Variants in FKBP2 observed in about 807,000 individuals in gnomAD.
FKBP2 encodes FKBP prolyl isomerase 2.
A neutral mutation model predicts 19.4 loss-of-function variants in FKBP2; 15 were observed. The ratio of observed to expected loss-of-function variants is 0.77; its 90% CI spans 0.52 to 1.19. The LOEUF is 1.19. FKBP2 is among the 50% of genes most tolerant of loss of function. The pLI, the probability that FKBP2 is intolerant of heterozygous loss-of-function variation, is 0.00. For missense variants in FKBP2, 170 were observed against 179.0 expected (o/e 0.95, Z 0.29); for synonymous variants, 76 against 74.8 (o/e 1.02, Z -0.08).
intron 2 of FKBP2, 29 bp downstream of exon 2, chr11:64,242,587 G>T: frequency 6.6e-7 from 1 of 1,524,956 alleles, no homozygotes; most frequent in Non-Finnish European, 8.8e-7. Flanking sequence ...CCTTTTGGGA[G>T]TGGGTGGGGC....
At position 64,242,427 on chromosome 11, in the gene FKBP2, A is replaced by C; in HGVS notation, c.40A>C (p.Ile14Leu). 6.4e-7 allele frequency: 1 copy of C among 1,555,620 alleles called. No homozygotes were observed. Among genetic ancestry groups the C allele is most frequent in the Non-Finnish European group, 8.7e-7 (1 of 1,155,272 alleles). Reference sequence around the variant, plus strand: ...GTTCCGGGTCCTGACAGTACTGTCCATCTGCCTGAGCGCCGTGGCCACGGC... The same window carrying C: ...GTTCCGGGTCCTGACAGTACTGTCCCTCTGCCTGAGCGCCGTGGCCACGGC... ...SWFRVLTVLS[I>L]CLSAVATATG... The change falls in exon 2 of 6, where the codon ATC becomes CTC. Residue 14 changes from isoleucine (I) to leucine (L), a missense_variant. Ile to Leu is a conservative substitution (Grantham distance 5). Coordinates refer to ENST00000309366, the MANE Select transcript of FKBP2 (RefSeq NM_004470.4).
rs896249907 is a variant in FKBP2 at position 64,244,016 on chromosome 11, G to A, written c.416G>A (p.Arg139Gln). The change falls in exon 6 of 6, where the codon CGA becomes CAA. Residue 139 changes from arginine to glutamine, a missense_variant. Coordinates refer to ENST00000309366, the MANE Select transcript of FKBP2 (RefSeq NM_004470.4). ...FEVELLKIER[R>Q]TEL The stretch of plus-strand genomic sequence containing the variant: ...GTGGAGCTGCTCAAAATAGAGCGAC[G>A]AACTGAGCTGTAACCAGACTGGGGA... 45 of 1,613,592 alleles carry A rather than the reference G, an allele frequency of 2.8e-5. No homozygotes were observed. Among genetic ancestry groups the A allele is most frequent in the Non-Finnish European group, 3.5e-5 (41 of 1,179,962 alleles).
Position 64,243,442 on chromosome 11 carries a change from T to C in FKBP2, c.285-9T>C. 1 of 1,614,024 alleles carries C rather than the reference T, an allele frequency of 6.2e-7. No individual in the cohort carries two copies. The highest frequency in any genetic ancestry group is 8.5e-7 in the Non-Finnish European group (1 of 1,179,986). On this transcript the variant is annotated splice_polypyrimidine_tract_variant and intron_variant, in intron 3 of 5. Transcript: ENST00000309366. ...TGCTGCCATGGGCTGAGCATGTGTC[T>C]TCCTGCAGGATGTGTGAGGGGGAAA...
chr11:64,241,228 A>G (rs1312230936), intron 1 of FKBP2, 96 bp downstream of exon 1: 1 of 151,830 alleles, frequency 6.6e-6, no homozygotes, highest in Admixed American at 6.6e-5. Flanking sequence ...CCGAGTGTCA[A>G]CGAGAGCTAG....
At chr11:64,243,408 G>C (rs993045143) in intron 3 of FKBP2, 43 bp from the exon 4 acceptor site, 11 of 1,612,826 alleles carry the variant, frequency 6.8e-6, no homozygotes, top group East Asian at 2.2e-5. Flanking sequence ...ACAAGACAAG[G>C]GCCCTGGGTG....
At chr11:64,243,796 G>A (rs1188417439) in intron 4 of FKBP2, 45 bp from the exon 5 acceptor site, 5 of 1,612,310 alleles carry the variant, frequency 3.1e-6, no homozygotes, top group Admixed American at 3.3e-5. Context: ...CACACTGGAA[G>A]GGAGCTTGGC....
intron 1 of FKBP2, chr11:64,241,895 TC>T (rs2030522268): frequency 6.5e-6 from 1 of 152,956 alleles, no homozygotes; most frequent in Non-Finnish European, 1.5e-5. Flanking sequence ...CCCGGGCTCC[TC>T]GGAGCCACCC....
intron 4 of FKBP2, 131 bp downstream of exon 4, chr11:64,243,628 T>C: frequency 7.7e-7 from 1 of 1,305,202 alleles, no homozygotes; most frequent in African/African-American, 1.4e-5. Context: ...CAAGTTTGGC[T>C]GTGTCTAGCA....
At chr11:64,242,141 G>A (rs1591086192) in intron 1 of FKBP2, 1 of 448,036 alleles carries the variant, frequency 2.2e-6, no homozygotes, top group Non-Finnish European at 4.0e-6. Context: ...CGGGTCCCTG[G>A]CTGCTGTGGC....
At chr11:64,242,102 G>A (rs998981746) in intron 1 of FKBP2, 9 of 361,818 alleles carry the variant, frequency 2.5e-5, no homozygotes, top group Non-Finnish European at 4.0e-5. Flanking sequence ...GACTGGGAGG[G>A]AGGGAAGGTA....
chr11:64,243,066 T>TTTAA, intron 2 of FKBP2, 133 bp from the exon 3 acceptor site: 1 of 745,918 alleles, frequency 1.3e-6, no homozygotes, highest in Non-Finnish European at 2.3e-6. Context: ...AGACTCCATC[T>TTTAA]CAAAAAACAA....
chr11:64,242,562 A>C lies in FKBP2; in HGVS notation c.171+4A>C. On this transcript the variant is annotated splice_donor_region_variant and intron_variant, in intron 2 of 5. Coordinates refer to ENST00000309366, the MANE Select transcript of FKBP2 (RefSeq NM_004470.4). ...TGTCCTGCACATGCACTACACGGTG[A>C]GTGGGTTGGGCGGGCCTTTTGGGAG... The C allele has an allele frequency of 6.6e-7, 1 of 1,518,032 alleles. No homozygotes were observed. Among genetic ancestry groups the C allele is most frequent in the South Asian group, 1.2e-5 (1 of 81,104 alleles). The allele number at this position is 1,518,032 out of a possible 1,614,324, so 94.0% of individuals were successfully genotyped here.
rs376378612 is a variant in FKBP2, at chr11:64,244,015, C to T, written c.415C>T (p.Arg139Ter). 6.2e-6 allele frequency: 10 copies of T among 1,613,660 alleles called. No individual in the cohort carries two copies. Among genetic ancestry groups the T allele is most frequent in the Non-Finnish European group, 8.5e-6 (10 of 1,179,946 alleles). The change falls in exon 6 of 6, where the codon CGA (arginine) becomes TGA (stop). Residue 139 changes from arginine to a stop codon, truncating the protein, a stop_gained. Coordinates refer to ENST00000309366, the MANE Select transcript of FKBP2 (RefSeq NM_004470.4). LOFTEE classifies it high-confidence loss of function. Reference protein sequence around the residue: ...FEVELLKIERRTEL With the variant: ...FEVELLKIER ...GGTGGAGCTGCTCAAAATAGAGCGA[C>T]GAACTGAGCTGTAACCAGACTGGGG...
chr11:64,242,447 C>G lies in FKBP2; in HGVS notation c.60C>G (p.Ala20=), dbSNP rs368749142. Residue 20 remains alanine (A), a synonymous_variant, in exon 2 of 6, where the codon GCC becomes GCG. Coordinates refer to ENST00000309366, the MANE Select transcript of FKBP2 (RefSeq NM_004470.4). ...TVLSICLSAV[A]TATGAEGKRK... ...TGTCCATCTGCCTGAGCGCCGTGGC[C>G]ACGGCCACGGGGGCCGAGGGCAAAA... 2 of 1,550,352 alleles carry G rather than the reference C, an allele frequency of 1.3e-6. No individual in the cohort carries two copies. The highest frequency in any genetic ancestry group is 1.7e-6 in the Non-Finnish European group (2 of 1,154,182).
rs59830440 is a variant in FKBP2, at chr11:64,241,423, G to C, written c.-5+291G>C. On this transcript the variant is annotated intron_variant, in intron 1 of 5. Coordinates refer to ENST00000309366, the MANE Select transcript of FKBP2 (RefSeq NM_004470.4). ...GGCGGGGGGCGGAGCTAGGAGGGTCGGGGGACGGAGCCTGGCTCTTGAAGG... is the reference window on the plus strand; with the variant it reads ...GGCGGGGGGCGGAGCTAGGAGGGTCCGGGGACGGAGCCTGGCTCTTGAAGG... Among the ~76,000 whole-genome samples the C allele has an allele frequency of 5.0e-3, 761 of 152,118 alleles. 5 individuals are homozygous for C. Among genetic ancestry groups the C allele is most frequent in the East Asian group, 0.013 (66 of 5,156 alleles).
In FKBP2 at chr11:64,242,441, C is replaced by G; in HGVS notation, c.54C>G (p.Ala18=). The stretch of plus-strand genomic sequence containing the variant: ...CAGTACTGTCCATCTGCCTGAGCGC[C>G]GTGGCCACGGCCACGGGGGCCGAGG... ...VLTVLSICLS[A]VATATGAEGK... Residue 18 remains alanine, a synonymous_variant, in exon 2 of 6, where the codon GCC becomes GCG. Coordinates refer to ENST00000309366, the MANE Select transcript of FKBP2 (RefSeq NM_004470.4). The G allele has an allele frequency of 6.4e-7, 1 of 1,550,510 alleles. No individual in the cohort carries two copies. The highest frequency in any genetic ancestry group is 8.7e-7 in the Non-Finnish European group (1 of 1,153,728).
intron 2 of FKBP2, 133 bp downstream of exon 2, chr11:64,242,691 A>T (rs867957837): frequency 9.9e-7 from 1 of 1,009,142 alleles, no homozygotes; most frequent in Non-Finnish European, 1.4e-6. Context: ...GCCAGTTTCC[A>T]TGGTTCTGCC....
At chr11:64,242,165 CT>C in intron 1 of FKBP2, 1 of 481,004 alleles carries the variant, frequency 2.1e-6, no homozygotes, top group Non-Finnish European at 3.6e-6. Context: ...CCCTGACCCC[CT>C]CCCCCCGCTG....
intron 2 of FKBP2, 23 bp from the exon 3 acceptor site, chr11:64,243,176 C>A (rs780912720): frequency 3.7e-6 from 6 of 1,609,582 alleles, no homozygotes; most frequent in Non-Finnish European, 4.2e-6. Flanking sequence ...CTCTTCCTCA[C>A]TGGCCTTCTC....
Sources: allele counts gnomAD v4.1 joint callset (sites outside exome capture counted in the v4.1 genomes callset), GRCh38; gene constraint gnomAD v4.1.1; transcripts MANE v1.5; gene names NCBI Gene and HGNC (gene_info 2026-07-23, HGNC 2026-07-21).